Variants in SMIM14 observed in about 807,000 individuals in gnomAD.
The protein encoded by SMIM14 is small integral membrane protein 14.
A neutral mutation model predicts 12.6 loss-of-function variants in SMIM14; 5 were observed. The ratio of observed to expected loss-of-function variants is 0.40; its 90% CI spans 0.21 to 0.83. The LOEUF is 0.83. Among genes scored for constraint, SMIM14 ranks in the 40% least tolerant of loss-of-function variants. The pLI is 0.37. For synonymous variants in SMIM14, 30 were observed against 40.1 expected, an observed-to-expected ratio of 0.75 and a Z score of 0.95; for missense variants, 86 against 119.1, an observed-to-expected ratio of 0.72 and a Z score of 1.29.
chr4:39,597,346 T>C (rs1392392712), intron 2 of SMIM14, among the ~76,000 whole-genome samples: 1 of 152,104 alleles, frequency 6.6e-6, no homozygotes, highest in Non-Finnish European at 1.5e-5. Flanking sequence ...AACTGGACTT[T>C]AGCATTTAAA....
chr4:39,637,159 AG>A (rs1308847000), intron 1 of SMIM14, among the ~76,000 whole-genome samples: 5 of 152,368 alleles, frequency 3.3e-5, no homozygotes, highest in Non-Finnish European at 1.5e-5. Context: ...GTAGTTTAGA[AG>A]GGTATAAACT....
intron 1 of SMIM14, among the ~76,000 whole-genome samples, chr4:39,622,146 C>G (rs992095176): frequency 1.3e-5 from 2 of 151,790 alleles, no homozygotes; most frequent in Admixed American, 6.6e-5. Flanking sequence ...TGCAGTGGCA[C>G]GATCTCGGTT....
chr4:39,569,731 T>C (rs11727592), intron 3 of SMIM14, among the ~76,000 whole-genome samples: 51,697 of 151,310 alleles, frequency 0.34, 10,962 homozygotes, highest in African/African-American at 0.57. Context: ...AGCGAGACTC[T>C]GTCTCAAAAA....
At chr4:39,580,728 T>A (rs1262638585) in intron 2 of SMIM14, among the ~76,000 whole-genome samples, 3 of 151,834 alleles carry the variant, frequency 2.0e-5, no homozygotes, top group Admixed American at 2.0e-4. Flanking sequence ...GGTTTCACCA[T>A]GTTGGTCAGG....
At chr4:39,605,869 T>C (rs1714783089) in intron 1 of SMIM14, among the ~76,000 whole-genome samples, 2 of 152,144 alleles carry the variant, frequency 1.3e-5, no homozygotes, top group South Asian at 4.1e-4. Flanking sequence ...GCTTCCGGAG[T>C]AGCTGGGATT....
rs911943278 is a variant in SMIM14, at chr4:39,550,645, C to G, written c.*1481G>C. 1 of 152,166 alleles carries G rather than the reference C, an allele frequency of 6.6e-6. No homozygotes were observed. Among genetic ancestry groups the G allele is most frequent in the African/African-American group, 2.4e-5 (1 of 41,442 alleles). 9.4% of individuals were successfully genotyped at this position (152,166 alleles called of 1,614,324 possible). On this transcript the variant is annotated 3_prime_UTR_variant, in exon 5 of 5. Transcript: ENST00000295958. ...TTTCAAACTGAGCAAAACAATACAA[C>G]CTTTTACTTTTTTATACATTTTAAA... is the stretch of plus-strand genomic sequence containing the variant.
intron 1 of SMIM14, among the ~76,000 whole-genome samples, chr4:39,622,078 T>TTGTTTTC (rs1560308367): frequency 6.6e-6 from 1 of 151,256 alleles, no homozygotes; most frequent in Non-Finnish European, 1.5e-5. Context: ...ATGCACTTTT[T>TTGTTTTC]TGTTTTTTGT....
intron 2 of SMIM14, among the ~76,000 whole-genome samples, chr4:39,602,246 CAAA>C (rs11300312): frequency 8.2e-6 from 1 of 122,330 alleles, no homozygotes. Context: ...AGTCATGTCT[CAAA>C]AAAAAAAAAA....
At position 39,552,085 on chromosome 4, in the gene SMIM14, C is replaced by G. The variant is rs201253169; in HGVS notation, c.*41G>C. Reference sequence around the variant, plus strand: ...CTCTGGTCATCTTCGTTCGTTTGGTCGTGCAAGGTGTTAACTATTTTCACT... The same window carrying G: ...CTCTGGTCATCTTCGTTCGTTTGGTGGTGCAAGGTGTTAACTATTTTCACT... On this transcript the variant is annotated 3_prime_UTR_variant, in exon 5 of 5. Coordinates refer to ENST00000295958, the MANE Select transcript of SMIM14 (RefSeq NM_174921.3). 8 of 1,553,586 alleles carry G rather than the reference C, an allele frequency of 5.1e-6. No individual in the cohort carries two copies. The Admixed American group carries it at 1.5e-4, about 29-fold the overall frequency.
At chr4:39,589,350 G>A (rs1713942935) in intron 2 of SMIM14, among the ~76,000 whole-genome samples, 1 of 152,210 alleles carries the variant, frequency 6.6e-6, no homozygotes, top group Admixed American at 6.5e-5. Context: ...GCTTCCCACA[G>A]TGCTGGGATT....
At chr4:39,591,813 G>T (rs1325976712) in intron 2 of SMIM14, among the ~76,000 whole-genome samples, 2 of 152,206 alleles carry the variant, frequency 1.3e-5, no homozygotes, top group East Asian at 3.9e-4. Context: ...TGATCTGCCT[G>T]CCTCAGCCTC....
chr4:39,586,816 C>T (rs1384119789), intron 2 of SMIM14, among the ~76,000 whole-genome samples: 1 of 152,036 alleles, frequency 6.6e-6, no homozygotes, highest in Non-Finnish European at 1.5e-5. Context: ...AGGTAGCTTA[C>T]ATACAAACAT....
At chr4:39,605,201 C>T in intron 1 of SMIM14, 21 bp from the exon 2 acceptor site, 1 of 1,369,946 alleles carries the variant, frequency 7.3e-7, no homozygotes, top group Non-Finnish European at 1.0e-6. Flanking sequence ...GGAAAAAATA[C>T]TGTTAAGTCT....
chr4:39,635,429 G>A (rs1716052873), intron 1 of SMIM14, among the ~76,000 whole-genome samples: 3 of 152,114 alleles, frequency 2.0e-5, no homozygotes, highest in Admixed American at 6.6e-5. Context: ...CATTTTAAAG[G>A]ATCTCTTAGG....
chr4:39,627,505 G>C (rs1446390628), intron 1 of SMIM14, among the ~76,000 whole-genome samples: 1 of 130,738 alleles, frequency 7.6e-6, no homozygotes, highest in Non-Finnish European at 1.7e-5. Context: ...TATAAAACAA[G>C]AGTGATAATT....
At chr4:39,633,256 T>C (rs1715977075) in intron 1 of SMIM14, among the ~76,000 whole-genome samples, 1 of 151,948 alleles carries the variant, frequency 6.6e-6, no homozygotes. Context: ...ATCACCCCAC[T>C]GCACTCCAGT....
At chr4:39,603,484 G>T (rs1714691452) in intron 2 of SMIM14, among the ~76,000 whole-genome samples, 1 of 152,002 alleles carries the variant, frequency 6.6e-6, no homozygotes, top group Admixed American at 6.5e-5. Flanking sequence ...GCGTGAACCT[G>T]GGAGGCGGAG....
At chr4:39,601,268 A>T (rs903153050) in intron 2 of SMIM14, among the ~76,000 whole-genome samples, 16 of 152,184 alleles carry the variant, frequency 1.1e-4, no homozygotes, top group Admixed American at 1.0e-3. Context: ...CCAGGTGTCT[A>T]CTTGCTATAA....
Position 39,596,914 on chromosome 4 carries a change from T to C in SMIM14, c.75+8157A>G, listed in dbSNP as rs116688431. On this transcript the variant is annotated intron_variant, in intron 2 of 4. Coordinates refer to ENST00000295958, the MANE Select transcript of SMIM14 (RefSeq NM_174921.3). ...CCTCAGCCTCTGAAGGAGCTGTGAC[T>C]ATAGGTATGTGCCAAGATGCCCCGC... Among the ~76,000 whole-genome samples, 693 of 152,210 alleles carry C rather than the reference T, an allele frequency of 4.6e-3. 5 individuals carry two copies. Among genetic ancestry groups the C allele is most frequent in the African/African-American group, 0.016 (658 of 41,536 alleles).
Sources: allele counts gnomAD v4.1 joint callset (sites outside exome capture counted in the v4.1 genomes callset), GRCh38; gene constraint gnomAD v4.1.1; transcripts MANE v1.5; gene names NCBI Gene and HGNC (gene_info 2026-07-23, HGNC 2026-07-21).